The following RGS21 variants were observed in gnomAD, a reference collection of about 807,000 sequenced individuals.
The protein encoded by RGS21 is regulator of G-protein signalling 21.
RGS21 carries 19 observed loss-of-function variants against 18.7 expected under a neutral mutation model. The observed-to-expected ratio is 1.01, with a 90% confidence interval of 0.71 to 1.49. The LOEUF (loss-of-function observed/expected upper bound fraction) is 1.49. RGS21 is among the 40% of genes most tolerant of loss of function. RGS21 has a pLI of 0.00. For synonymous variants in RGS21, 56 were observed against 57.8 expected (o/e 0.97, Z 0.14); for missense variants, 194 against 176.8 (o/e 1.10, Z -0.55).
At chr1:192,318,790 A>G (rs2102219377) in intron 1 of RGS21, among the ~76,000 whole-genome samples, 1 of 152,292 alleles carries the variant, frequency 6.6e-6, no homozygotes, top group African/African-American at 2.4e-5. Context: ...ACTTCCAAGA[A>G]CTATTGCTGA....
At chr1:192,345,092 G>C (rs2102231010) in intron 2 of RGS21, among the ~76,000 whole-genome samples, 1 of 152,112 alleles carries the variant, frequency 6.6e-6, no homozygotes, top group South Asian at 2.1e-4. Flanking sequence ...TAATGAAGAT[G>C]ATACAAATAG....
At chr1:192,344,399 T>C (rs929524940) in intron 2 of RGS21, among the ~76,000 whole-genome samples, 9 of 152,126 alleles carry the variant, frequency 5.9e-5, no homozygotes, top group African/African-American at 2.2e-4. Context: ...CTGTGGAATA[T>C]TGCACTACTT....
chr1:192,347,202 TTTGA>T, intron 2 of RGS21, 107 bp from the exon 3 acceptor site: 3 of 681,480 alleles, frequency 4.4e-6, no homozygotes, highest in Admixed American at 4.1e-5. Context: ...CATTTGGCTG[TTTGA>T]TTAACAGCAT....
intron 4 of RGS21, among the ~76,000 whole-genome samples, chr1:192,362,334 T>G (rs1214669042): frequency 6.6e-6 from 1 of 152,066 alleles, no homozygotes; most frequent in Non-Finnish European, 1.5e-5. Context: ...TTCCATAACT[T>G]AGGGAAAATG....
chr1:192,344,387 G>C (rs899930414), intron 2 of RGS21, among the ~76,000 whole-genome samples: 8 of 152,000 alleles, frequency 5.3e-5, no homozygotes, highest in Non-Finnish European at 2.9e-5. Context: ...GGCCATTACT[G>C]TCTGTGGAAT....
chr1:192,364,383 T>A (rs1180091141), intron 4 of RGS21, among the ~76,000 whole-genome samples: 1 of 152,164 alleles, frequency 6.6e-6, no homozygotes, highest in Admixed American at 6.6e-5. Flanking sequence ...TGATGATTCT[T>A]TTCAAATTAC....
intron 4 of RGS21, among the ~76,000 whole-genome samples, chr1:192,364,885 C>T (rs1310537534): frequency 2.0e-5 from 3 of 152,080 alleles, no homozygotes; most frequent in African/African-American, 7.2e-5. Context: ...ATAATCCCAG[C>T]ACTGTGGGAG....
intron 1 of RGS21, among the ~76,000 whole-genome samples, chr1:192,320,705 C>T (rs2102220299): frequency 6.6e-6 from 1 of 152,116 alleles, no homozygotes; most frequent in African/African-American, 2.4e-5. Context: ...ATTAATTTAA[C>T]TTCCTACTGC....
intron 1 of RGS21, among the ~76,000 whole-genome samples, chr1:192,328,652 A>G (rs2102223758): frequency 6.6e-6 from 1 of 152,292 alleles, no homozygotes; most frequent in Non-Finnish European, 1.5e-5. Flanking sequence ...GGAAGATTGG[A>G]AATAATTATC....
chr1:192,323,934 A>T (rs1658530388), intron 1 of RGS21, among the ~76,000 whole-genome samples: 1 of 152,084 alleles, frequency 6.6e-6, no homozygotes, highest in Non-Finnish European at 1.5e-5. Flanking sequence ...TATTCAAAAA[A>T]AGTTGTTTGT....
intron 4 of RGS21, among the ~76,000 whole-genome samples, chr1:192,356,390 C>T (rs1347953442): frequency 6.6e-6 from 1 of 151,592 alleles, no homozygotes; most frequent in African/African-American, 2.4e-5. Flanking sequence ...CTCTCCATAA[C>T]GAAATGTAAG....
chr1:192,337,430 A>C (rs543744880), intron 1 of RGS21, among the ~76,000 whole-genome samples: 14 of 152,190 alleles, frequency 9.2e-5, no homozygotes, highest in African/African-American at 3.4e-4. Context: ...TATTGTGTAC[A>C]TAGATTTCAG....
intron 4 of RGS21, among the ~76,000 whole-genome samples, chr1:192,358,693 A>G (rs555429958): frequency 1.1e-3 from 164 of 152,212 alleles, no homozygotes; most frequent in Middle Eastern, 3.4e-3. Context: ...CACAGTTGAA[A>G]ACTTTTCATT....
chr1:192,324,677 A>G (rs1414429209), intron 1 of RGS21, among the ~76,000 whole-genome samples: 1 of 152,202 alleles, frequency 6.6e-6, no homozygotes, highest in South Asian at 2.1e-4. Flanking sequence ...TAAAACACAC[A>G]CACACATAAT....
intron 4 of RGS21, among the ~76,000 whole-genome samples, chr1:192,362,351 A>T (rs1659197509): frequency 1.3e-5 from 2 of 152,186 alleles, no homozygotes; most frequent in Admixed American, 1.3e-4. Context: ...AATGTTGGTT[A>T]TAAAGCCCTA....
chr1:192,352,290 C>A (rs1045740719), intron 4 of RGS21, 77 bp downstream of exon 4: 2 of 1,002,854 alleles, frequency 2.0e-6, no homozygotes, highest in Non-Finnish European at 2.8e-6. Flanking sequence ...TTAAATCCAT[C>A]TAAAAGATAA....
At chr1:192,356,724 A>G (rs1659117350) in intron 4 of RGS21, among the ~76,000 whole-genome samples, 1 of 151,738 alleles carries the variant, frequency 6.6e-6, no homozygotes. Context: ...TGTGATGCCA[A>G]TTTGTAATCT....
intron 3 of RGS21, 102 bp from the exon 4 acceptor site, chr1:192,351,945 A>G: frequency 1.6e-6 from 1 of 626,356 alleles, no homozygotes; most frequent in Non-Finnish European, 2.6e-6. Context: ...AATATTTGCC[A>G]CTGAATATCC....
chr1:192,335,195 T>G (rs1476526869), intron 1 of RGS21, among the ~76,000 whole-genome samples: 1 of 152,134 alleles, frequency 6.6e-6, no homozygotes, highest in Non-Finnish European at 1.5e-5. Flanking sequence ...AGAACATGGA[T>G]TTTGGAATCA....
Sources: gnomAD v4.1 joint callset for allele counts (sites outside exome capture counted in the v4.1 genomes callset) on GRCh38, gnomAD v4.1.1 for gene constraint, MANE v1.5 for transcripts, NCBI Gene and HGNC (gene_info 2026-07-23, HGNC 2026-07-21) for gene names.